The following NYAP2 variants were observed in gnomAD, a reference collection of about 807,000 sequenced individuals.
NYAP2 encodes neuronal tyrosine-phosphorylated phosphoinositide-3-kinase adapter 2.
In NYAP2, 23 loss-of-function variants were observed where a neutral mutation model predicts 50.4. The observed-to-expected ratio is 0.46, with a 90% CI of 0.33 to 0.65. The LOEUF is 0.65. Ranked by LOEUF, NYAP2 falls within the 30% of genes least tolerant of loss-of-function variation. NYAP2 has a pLI of 0.02. For synonymous variants in NYAP2, 394 were observed against 365.2 expected (o/e 1.08, Z -0.90); for missense variants, 885 against 861.0 (o/e 1.03, Z -0.35).
chr2:225,678,411 A>C, the NYAP2 span, among the ~76,000 whole-genome samples: 3 of 151,932 alleles, frequency 2.0e-5, no homozygotes, highest in African/African-American at 7.3e-5. Flanking sequence ...TCTCAATTTC[A>C]TTGAGTCCTT....
At chr2:225,425,964 G>C (rs933955371) in intron 3 of NYAP2, among the ~76,000 whole-genome samples, 3 of 151,844 alleles carry the variant, frequency 2.0e-5, no homozygotes, top group South Asian at 2.1e-4. Context: ...AAATGAAGGG[G>C]GAGAGGAATA....
At chr2:225,657,607 A>G (rs1266403199), downstream of NYAP2, among the ~76,000 whole-genome samples, 2 of 151,882 alleles carry the variant, frequency 1.3e-5, no homozygotes, top group Non-Finnish European at 2.9e-5. Flanking sequence ...AAAAAAAAAA[A>G]AAGGAAAAGG....
intron 4 of NYAP2, among the ~76,000 whole-genome samples, chr2:225,576,384 T>A (rs747874738): frequency 1.3e-5 from 2 of 152,196 alleles, no homozygotes; most frequent in Non-Finnish European, 2.9e-5. Flanking sequence ...ACTAAGGCCA[T>A]TTGCAACTTC....
intron 3 of NYAP2, among the ~76,000 whole-genome samples, chr2:225,423,260 G>T (rs556194697): frequency 1.3e-5 from 2 of 152,292 alleles, no homozygotes; most frequent in East Asian, 1.9e-4. Flanking sequence ...TTGTGGATTT[G>T]TCATTAATGC....
the NYAP2 span, among the ~76,000 whole-genome samples, chr2:225,662,548 C>G: frequency 1.3e-5 from 2 of 152,238 alleles, no homozygotes; most frequent in Non-Finnish European, 2.9e-5. Context: ...AGGGGGGAAC[C>G]CCAACTGTAC....
chr2:225,490,357 A>T (rs1323063242), intron 3 of NYAP2, among the ~76,000 whole-genome samples: 1 of 152,196 alleles, frequency 6.6e-6, no homozygotes, highest in Non-Finnish European at 1.5e-5. Flanking sequence ...GCAGCAACAC[A>T]TGAGACTCAT....
chr2:225,601,477 A>G (rs1052490848), intron 5 of NYAP2, among the ~76,000 whole-genome samples: 2 of 152,126 alleles, frequency 1.3e-5, no homozygotes, highest in African/African-American at 4.8e-5. Context: ...ACTGTTTTCC[A>G]TAGCAGCTGT....
chr2:225,542,553 TTGATA>T (rs1691495387), intron 4 of NYAP2, among the ~76,000 whole-genome samples: 1 of 152,300 alleles, frequency 6.6e-6, no homozygotes, highest in Non-Finnish European at 1.5e-5. Flanking sequence ...CTCCATTCTT[TTGATA>T]TGATATATCA....
At chr2:225,548,544 T>C (rs1228118105) in intron 4 of NYAP2, among the ~76,000 whole-genome samples, 1 of 151,962 alleles carries the variant, frequency 6.6e-6, no homozygotes, top group African/African-American at 2.4e-5. Context: ...TCAAGTGTCC[T>C]GAAACTCTAA....
the NYAP2 span, among the ~76,000 whole-genome samples, chr2:225,662,560 G>C: frequency 6.6e-6 from 1 of 152,240 alleles, no homozygotes; most frequent in South Asian, 2.1e-4. Flanking sequence ...CAACTGTACT[G>C]TCATGTCAAA....
At chr2:225,635,147 A>T (rs929437193) in intron 6 of NYAP2, among the ~76,000 whole-genome samples, 3 of 152,210 alleles carry the variant, frequency 2.0e-5, no homozygotes, top group Non-Finnish European at 4.4e-5. Flanking sequence ...CCATGCACAC[A>T]AGTTTGGAGA....
chr2:225,548,636 T>C (rs1010440912), intron 4 of NYAP2, among the ~76,000 whole-genome samples: 4 of 151,806 alleles, frequency 2.6e-5, no homozygotes, highest in East Asian at 1.9e-4. Context: ...TGTAGGAACA[T>C]TGAGAGGAAA....
At chr2:225,490,563 G>C (rs140798769) in intron 3 of NYAP2, among the ~76,000 whole-genome samples, 1 of 152,118 alleles carries the variant, frequency 6.6e-6, no homozygotes, top group Non-Finnish European at 1.5e-5. Context: ...CTGTTCTACA[G>C]CAAGGCCTCC....
intron 4 of NYAP2, among the ~76,000 whole-genome samples, chr2:225,525,353 A>T (rs537271727): frequency 2.6e-4 from 40 of 152,312 alleles, no homozygotes; most frequent in African/African-American, 9.4e-4. Context: ...AATAACAAAG[A>T]TATGGAATCA....
At chr2:225,513,515 C>T (rs746085591) in exon 4 of NYAP2, 5 of 1,613,830 alleles carry the variant, frequency 3.1e-6, no homozygotes, top group Admixed American at 1.7e-5. Context: ...AGTCCCTGCA[C>T]TCGGTTGGGG....
At chr2:225,565,776 T>A (rs1023782252) in intron 4 of NYAP2, among the ~76,000 whole-genome samples, 1 of 152,178 alleles carries the variant, frequency 6.6e-6, no homozygotes, top group African/African-American at 2.4e-5. Flanking sequence ...CATTTAACAG[T>A]TGAGCTCAAC....
chr2:225,553,971 G>A (rs67949217), intron 4 of NYAP2, among the ~76,000 whole-genome samples: 33,943 of 152,036 alleles, frequency 0.22, 3,801 homozygotes, highest in African/African-American at 0.25. Flanking sequence ...AGTGAGCCGA[G>A]TTTGCCCCAT....
At chr2:225,559,821 A>C (rs1016951237) in intron 4 of NYAP2, among the ~76,000 whole-genome samples, 6 of 152,062 alleles carry the variant, frequency 3.9e-5, no homozygotes, top group African/African-American at 1.4e-4. Context: ...CAGATATACA[A>C]TATATCTGTT....
At chr2:225,516,779 G>T (rs1222401994) in intron 4 of NYAP2, among the ~76,000 whole-genome samples, 2 of 152,032 alleles carry the variant, frequency 1.3e-5, no homozygotes, top group East Asian at 1.9e-4. Context: ...TTATAATTGT[G>T]CTATAACTGG....
Sources: gnomAD v4.1 joint callset for allele counts (sites outside exome capture counted in the v4.1 genomes callset) on GRCh38, gnomAD v4.1.1 for gene constraint, MANE v1.5 for transcripts, NCBI Gene and HGNC (gene_info 2026-07-23, HGNC 2026-07-21) for gene names.